Variants in IQSEC1 observed in about 807,000 individuals in gnomAD.
The protein encoded by IQSEC1 is IQ motif and Sec7 domain ArfGEF 1.
Under a neutral mutation model 91.0 loss-of-function variants are expected in IQSEC1, and 31 were observed. That is an observed-to-expected ratio of 0.34 (90% CI 0.26 to 0.46). The LOEUF is 0.46. IQSEC1 is among the 20% of genes least tolerant of loss of function. The pLI is 1.00. For synonymous variants in IQSEC1, 699 were observed against 662.6 expected (o/e 1.05, Z -0.84); for missense variants, 1,388 against 1,575.6 (o/e 0.88, Z 2.02).
At position 13,082,656 on chromosome 3, in the gene IQSEC1, G is replaced by A. The variant is rs116201580; in HGVS notation, c.303-35134C>T. On this transcript the variant is annotated intron_variant, in intron 2 of 15. Coordinates refer to the IQSEC1 transcript ENST00000648114. ...GCCCCTTCCTGCCTCCCTTCTTACTGTTCTAAACCACCCCTAGCCCCGCAC... is the reference window on the plus strand; with the variant it reads ...GCCCCTTCCTGCCTCCCTTCTTACTATTCTAAACCACCCCTAGCCCCGCAC... 8.7e-3 allele frequency among the ~76,000 whole-genome samples: 1,320 copies of A among 152,238 alleles called. 23 individuals carry two copies. The highest frequency in any genetic ancestry group is 0.03 in the African/African-American group (1,232 of 41,522).
At chr3:13,068,840 C>T (rs1705321989) in intron 1 of IQSEC1, among the ~76,000 whole-genome samples, 2 of 152,246 alleles carry the variant, frequency 1.3e-5, no homozygotes, top group Non-Finnish European at 2.9e-5. Context: ...AGTGGCCACA[C>T]AGTTCACTCA....
chr3:12,940,273 C>T lies in IQSEC1; in HGVS notation c.318+1298G>A, dbSNP rs547141315. Among the ~76,000 whole-genome samples the T allele has an allele frequency of 3.4e-4, 51 of 152,016 alleles. No individual in the cohort carries two copies. The highest frequency in any genetic ancestry group is 7.8e-4 in the East Asian group (4 of 5,146). Reference sequence around the variant, plus strand: ...GGGGCTTCCCTGTCAAGAGAGTGGACGACCCCCAACCCCAGGCAGTATCTG... The same window carrying T: ...GGGGCTTCCCTGTCAAGAGAGTGGATGACCCCCAACCCCAGGCAGTATCTG... On this transcript the variant is annotated intron_variant, in intron 2 of 13. Coordinates refer to ENST00000613206, the MANE Select transcript of IQSEC1 (RefSeq NM_001134382.3). The surrounding 1 kb of genome is among the most constrained non-coding windows in gnomAD (Gnocchi z 4.4).
intron 2 of IQSEC1, among the ~76,000 whole-genome samples, chr3:13,088,851 C>A (rs1043146950): frequency 2.6e-5 from 4 of 152,158 alleles, no homozygotes; most frequent in Non-Finnish European, 5.9e-5. Context: ...ATATTTAACA[C>A]AGGCACTGGC....
chr3:13,112,310 C>T (rs1706260045), intron 2 of IQSEC1, among the ~76,000 whole-genome samples: 1 of 152,238 alleles, frequency 6.6e-6, no homozygotes, highest in Non-Finnish European at 1.5e-5. Flanking sequence ...GGTCACTAGC[C>T]AGCCCAGCCA....
chr3:12,945,029 C>T (rs1230951839), intron 1 of IQSEC1, among the ~76,000 whole-genome samples: 1 of 152,208 alleles, frequency 6.6e-6, no homozygotes, highest in Non-Finnish European at 1.5e-5. Context: ...GAGTGAGGGC[C>T]CAGGCCTGCC....
chr3:13,252,182 T>C (rs770752238), intron 1 of IQSEC1, among the ~76,000 whole-genome samples: 63 of 152,244 alleles, frequency 4.1e-4, no homozygotes, highest in Middle Eastern at 3.4e-3. Context: ...TCTGCCCCCA[T>C]TAAACACGAA....
chr3:12,936,710 G>C lies in IQSEC1; in HGVS notation c.319-13C>G. On this transcript the variant is annotated splice_polypyrimidine_tract_variant and intron_variant, in intron 2 of 13. Coordinates refer to ENST00000613206, the MANE Select transcript of IQSEC1 (RefSeq NM_001134382.3). Reference sequence around the variant, plus strand: ...CTAGCATCTCCACCTGCGGGTGGGAGAGGAGAATGAGAACAGCACTGCATG... The same window carrying C: ...CTAGCATCTCCACCTGCGGGTGGGACAGGAGAATGAGAACAGCACTGCATG... 1 of 1,554,134 alleles carries C rather than the reference G, an allele frequency of 6.4e-7. No homozygotes were observed. Among genetic ancestry groups the C allele is most frequent in the Non-Finnish European group, 8.7e-7 (1 of 1,148,232 alleles).
chr3:13,077,821 G>T (rs1448467143), upstream of IQSEC1, among the ~76,000 whole-genome samples: 1 of 152,228 alleles, frequency 6.6e-6, no homozygotes, highest in African/African-American at 2.4e-5. Context: ...CCTGTCTTGG[G>T]GGAGAAGATC....
chr3:13,244,528 G>A (rs1294980732), intron 1 of IQSEC1, among the ~76,000 whole-genome samples: 1 of 152,128 alleles, frequency 6.6e-6, no homozygotes, highest in Non-Finnish European at 1.5e-5. Context: ...GATTAATGGG[G>A]AGGTCCACTG....
Position 12,922,336 on chromosome 3 carries a change from T to C in IQSEC1, c.1731-94A>G, listed in dbSNP as rs1246859642. The C allele has an allele frequency of 2.1e-6, 3 of 1,404,286 alleles. No individual in the cohort carries two copies. The Admixed American group carries it at 7.6e-5, about 35-fold the overall frequency. The allele number at this position is 1,404,286 out of a possible 1,614,324, so 87.0% of individuals were successfully genotyped here. A position where few individuals can be genotyped will look rare whatever the true frequency, so the allele number is the denominator to read the frequency against. On this transcript the variant is annotated intron_variant, in intron 4 of 13. Coordinates refer to ENST00000613206, the MANE Select transcript of IQSEC1 (RefSeq NM_001134382.3). The surrounding 1 kb of genome is among the most constrained non-coding windows in gnomAD (Gnocchi z 5.1). ...GTGGTGGTGCCTGAAGCCCTGGGAA[T>C]GGACCGCCTCCTGGCAGGGAGAGCC...
intron 12 of IQSEC1, among the ~76,000 whole-genome samples, chr3:12,905,953 A>AG: frequency 6.6e-6 from 1 of 152,144 alleles, no homozygotes; most frequent in Non-Finnish European, 1.5e-5. Flanking sequence ...CCGGGTGGGG[A>AG]GTCTTAGCCC....
chr3:13,206,367 G>T (rs1388463272), intron 1 of IQSEC1, among the ~76,000 whole-genome samples: 3 of 152,170 alleles, frequency 2.0e-5, no homozygotes, highest in Non-Finnish European at 4.4e-5. Context: ...TCTAATGGCT[G>T]GGAGACCCAT....
At chr3:13,248,147 C>A (rs1695138391) in intron 1 of IQSEC1, among the ~76,000 whole-genome samples, 1 of 152,224 alleles carries the variant, frequency 6.6e-6, no homozygotes, top group Admixed American at 6.5e-5. Flanking sequence ...GCAGGAAGGG[C>A]AAGCTCTGGG....
chr3:13,222,325 A>C (rs1442202168), intron 1 of IQSEC1, among the ~76,000 whole-genome samples: 1 of 152,220 alleles, frequency 6.6e-6, no homozygotes, highest in East Asian at 1.9e-4. Context: ...CTTCCTTTTT[A>C]GGGTGAATCA....
intron 1 of IQSEC1, among the ~76,000 whole-genome samples, chr3:13,208,400 G>T (rs1023113047): frequency 2.6e-5 from 4 of 152,056 alleles, no homozygotes; most frequent in African/African-American, 7.2e-5. Context: ...TAGCTCATTG[G>T]CCACGTCTCC....
In IQSEC1 at chr3:13,053,095, T is replaced by C. The variant is rs929008340; in HGVS notation, c.23+19897A>G. 12 of 960,960 alleles carry C rather than the reference T, an allele frequency of 1.2e-5. No individual in the cohort carries two copies. In the Middle Eastern group the frequency reaches 9.4e-4, roughly 75 times the overall value. 59.5% of individuals were successfully genotyped at this position (960,960 alleles called of 1,614,324 possible). ...TTTATTTTCTTGGCCAGGAATCGCT[T>C]ACTCCTGAAAGTCTTGTGAGAAGAC... On this transcript the variant is annotated intron_variant, in intron 1 of 13. Coordinates refer to ENST00000613206, the MANE Select transcript of IQSEC1 (RefSeq NM_001134382.3).
At chr3:13,195,312 T>C (rs1262771995) in intron 1 of IQSEC1, among the ~76,000 whole-genome samples, 1 of 152,114 alleles carries the variant, frequency 6.6e-6, no homozygotes, top group East Asian at 1.9e-4. Flanking sequence ...CCGTGATGAC[T>C]GAAACAAGAA....
chr3:13,074,416 CCA>C (rs1260756340), upstream of IQSEC1, among the ~76,000 whole-genome samples: 2 of 152,190 alleles, frequency 1.3e-5, no homozygotes, highest in Non-Finnish European at 2.9e-5. Flanking sequence ...CCCGCCTTTC[CCA>C]CACAGATTTC....
intron 2 of IQSEC1, among the ~76,000 whole-genome samples, chr3:13,119,725 C>A (rs970254280): frequency 6.6e-6 from 1 of 152,236 alleles, no homozygotes; most frequent in Non-Finnish European, 1.5e-5. Flanking sequence ...TCAGGAGGAG[C>A]AGGTATGCAT....
Sources: allele counts gnomAD v4.1 joint callset (sites outside exome capture counted in the v4.1 genomes callset), GRCh38; gene constraint gnomAD v4.1.1; non-coding constraint Gnocchi (gnomAD v3.1); transcripts MANE v1.5; gene names NCBI Gene and HGNC (gene_info 2026-07-23, HGNC 2026-07-21).